HECW2: variants seen among roughly 807,000 people sequenced by gnomAD.
HECW2 encodes the protein HECT, C2 and WW domain containing E3 ubiquitin protein ligase 2, also known as E3 ubiquitin-protein ligase HECW2.
A neutral mutation model predicts 175.2 loss-of-function variants in HECW2; 61 were observed. That is an observed-to-expected ratio of 0.35 (90% CI 0.28 to 0.43). The LOEUF is 0.43. HECW2 is among the 20% of genes least tolerant of loss of function. The pLI is 1.00. For missense variants in HECW2, 1,524 were observed against 2,000.5 expected (o/e 0.76, Z 4.54); for synonymous variants, 671 against 731.0 (o/e 0.92, Z 1.32).
Position 196,361,894 on chromosome 2 carries a change from A to G in HECW2, c.293-18130T>C, listed in dbSNP as rs1043146424. ...AAGAAGAAACATGGCATTCTTCCTT[A>G]AAATCATACACCTGGCCAACCCACG... On this transcript the variant is annotated intron_variant, in intron 2 of 28. Transcript: ENST00000644978. 10 of 985,302 alleles carry G rather than the reference A, an allele frequency of 1.0e-5. No individual in the cohort carries two copies. In the African/African-American group the frequency reaches 1.4e-4, roughly 14 times the overall value. The allele number at this position is 985,302 out of a possible 1,614,324, so 61.0% of individuals were successfully genotyped here.
chr2:196,406,173 C>T (rs1694961481), intron 2 of HECW2, among the ~76,000 whole-genome samples: 1 of 152,180 alleles, frequency 6.6e-6, no homozygotes, highest in Non-Finnish European at 1.5e-5. Flanking sequence ...TTTGCAGACC[C>T]AGCTTCTTCC....
chr2:196,314,363 C>G (rs2105738291), intron 10 of HECW2, among the ~76,000 whole-genome samples: 1 of 152,274 alleles, frequency 6.6e-6, no homozygotes, highest in South Asian at 2.1e-4. Context: ...ATTGGTGGTG[C>G]CCAATAAATA....
intron 2 of HECW2, among the ~76,000 whole-genome samples, chr2:196,357,381 T>C (rs1181169238): frequency 1.3e-5 from 2 of 152,130 alleles, no homozygotes; most frequent in Admixed American, 1.3e-4. Context: ...TCAAACACCA[T>C]CCTGTAATTT....
chr2:196,447,211 G>GTT (rs111898174), intron 1 of HECW2, among the ~76,000 whole-genome samples: 1 of 151,054 alleles, frequency 6.6e-6, no homozygotes, highest in African/African-American at 2.4e-5. Context: ...TTTTCCAATT[G>GTT]TTTTTTTTTA....
intron 17 of HECW2, among the ~76,000 whole-genome samples, chr2:196,266,168 T>TAA (rs56260949): frequency 7.7e-4 from 104 of 135,206 alleles, no homozygotes; most frequent in African/African-American, 2.0e-3. Flanking sequence ...CCATCTCTAT[T>TAA]AAAAAAAAAA....
chr2:196,487,159 A>C (rs1286120999), intron 1 of HECW2, among the ~76,000 whole-genome samples: 2 of 150,652 alleles, frequency 1.3e-5, no homozygotes, highest in African/African-American at 4.9e-5. Flanking sequence ...AAAAAAAAAA[A>C]AAAAAATTAG....
At chr2:196,430,883 A>C (rs968851058) in intron 2 of HECW2, among the ~76,000 whole-genome samples, 1 of 152,202 alleles carries the variant, frequency 6.6e-6, no homozygotes, top group African/African-American at 2.4e-5. Flanking sequence ...TATTTGAAGA[A>C]ATAGTGGCCA....
intron 2 of HECW2, among the ~76,000 whole-genome samples, chr2:196,377,635 T>C (rs890002044): frequency 5.9e-5 from 9 of 152,202 alleles, no homozygotes; most frequent in Non-Finnish European, 1.2e-4. Flanking sequence ...GTGGGAACTG[T>C]GGGAGCCACA....
intron 14 of HECW2, among the ~76,000 whole-genome samples, chr2:196,282,708 A>C (rs1337246188): frequency 1.3e-5 from 2 of 152,214 alleles, no homozygotes; most frequent in Admixed American, 6.5e-5. Context: ...TCCAGGTAGC[A>C]GGCTTCAGAG....
At chr2:196,574,672 A>T (rs574387849) in intron 1 of HECW2, among the ~76,000 whole-genome samples, 6 of 152,320 alleles carry the variant, frequency 3.9e-5, no homozygotes, top group African/African-American at 9.6e-5. Context: ...CAGAAATTTT[A>T]AAATATCCTA....
At chr2:196,284,099 C>T (rs551715697) in intron 14 of HECW2, among the ~76,000 whole-genome samples, 1 of 152,256 alleles carries the variant, frequency 6.6e-6, no homozygotes, top group East Asian at 1.9e-4. Context: ...TTATATCATA[C>T]TTTATTTTAG....
intron 2 of HECW2, among the ~76,000 whole-genome samples, chr2:196,353,595 T>C (rs78947710): frequency 0.012 from 1,828 of 152,290 alleles, 43 homozygotes; most frequent in African/African-American, 0.042. Context: ...CCTAGGTACA[T>C]AGGGGCGAAT....
intron 1 of HECW2, among the ~76,000 whole-genome samples, chr2:196,477,975 C>T (rs181191759): frequency 7.2e-5 from 11 of 152,248 alleles, no homozygotes; most frequent in Non-Finnish European, 1.3e-4. Flanking sequence ...TCACTTGAAC[C>T]TGGGAGGCGG....
At position 196,220,839 on chromosome 2, in the gene HECW2, C is replaced by T; in HGVS notation, c.4249G>A (p.Gly1417Ser). 6.2e-7 allele frequency: 1 copy of T among 1,614,120 alleles called. No individual in the cohort carries two copies. Among genetic ancestry groups the T allele is most frequent in the Non-Finnish European group, 8.5e-7 (1 of 1,180,000 alleles). ...ERMVKWRIER[G>S]VVQQTESLVR... ...AAGCTCTCTGTTTGCTGTACAACAC[C>T]CCTCTCAATCCTCCACTTCACCATC... Residue 1417 changes from glycine to serine, a missense_variant, in exon 25 of 29, where the codon GGT becomes AGT. Physicochemically the swap from Gly to Ser is moderately conservative, Grantham distance 56 (BLOSUM62 0). Coordinates refer to ENST00000644978, the MANE Select transcript of HECW2 (RefSeq NM_001348768.2).
At chr2:196,383,370 T>C (rs969016619) in intron 2 of HECW2, among the ~76,000 whole-genome samples, 10 of 152,096 alleles carry the variant, frequency 6.6e-5, no homozygotes, top group Admixed American at 5.2e-4. Context: ...AGATTGGGGA[T>C]GTAAGTGTAT....
In HECW2 at chr2:196,319,164, G is replaced by T. The variant is rs1453977159; in HGVS notation, c.1726C>A (p.Pro576Thr). 5 of 1,595,146 alleles carry T rather than the reference G, an allele frequency of 3.1e-6. No individual in the cohort carries two copies. In the South Asian group the frequency reaches 5.7e-5, roughly 18 times the overall value. The change falls in exon 9 of 29, where the codon CCC (proline) becomes ACC (threonine). Residue 576 changes from proline (P) to threonine (T), a missense_variant. Physicochemically the swap from Pro to Thr is conservative, Grantham distance 38. This residue lies in a region of HECW2 where 604 missense variants were observed against 588.3 expected (regional missense o/e 1.03). Coordinates refer to ENST00000644978, the MANE Select transcript of HECW2 (RefSeq NM_001348768.2). ...ELCGSQEVDQPTSGADTGTSD... is the reference protein window; with the variant it reads ...ELCGSQEVDQTTSGADTGTSD... ...GTCCCTGTGTCTGCGCCACTTGTGG[G>T]CTGATCTACCTCTTGAGAGCCACAC...
At chr2:196,413,761 C>G (rs1307787290) in intron 2 of HECW2, among the ~76,000 whole-genome samples, 3 of 152,102 alleles carry the variant, frequency 2.0e-5, no homozygotes, top group Non-Finnish European at 1.5e-5. Context: ...AAACTTGAAC[C>G]CTTACTTCTG....
At chr2:196,504,327 CATGCA>C (rs1687680482) in intron 1 of HECW2, among the ~76,000 whole-genome samples, 1 of 150,366 alleles carries the variant, frequency 6.7e-6, no homozygotes, top group Admixed American at 6.6e-5. Flanking sequence ...TGGTGGAGGC[CATGCA>C]ATGACTGGCT....
At chr2:196,357,312 C>A (rs1420880501) in intron 2 of HECW2, among the ~76,000 whole-genome samples, 2 of 139,422 alleles carry the variant, frequency 1.4e-5, no homozygotes, top group East Asian at 1.9e-4. Flanking sequence ...AGTTTGACAA[C>A]CCTGGTGGGG....
Sources: allele counts gnomAD v4.1 joint callset (sites outside exome capture counted in the v4.1 genomes callset), GRCh38; gene constraint gnomAD v4.1.1; regional missense constraint gnomAD v4.1.1; transcripts MANE v1.5; gene names NCBI Gene and HGNC (gene_info 2026-07-23, HGNC 2026-07-21).